Variants in STK24 observed in about 807,000 individuals in gnomAD.
STK24 encodes serine/threonine kinase 24, also known as serine/threonine-protein kinase 24.
Under a neutral mutation model 55.6 loss-of-function variants are expected in STK24, and 21 were observed. That is an observed-to-expected ratio of 0.38 (90% confidence interval 0.27 to 0.54). The LOEUF (loss-of-function observed/expected upper bound fraction) is 0.54, where lower values mean the gene tolerates loss of function less well. Among genes scored for constraint, STK24 ranks in the 20% least tolerant of loss-of-function variants. STK24 has a pLI of 0.79. For missense variants in STK24, 383 were observed against 538.4 expected (o/e 0.71, Z 2.86); for synonymous variants, 200 against 215.2 (o/e 0.93, Z 0.62).
intron 1 of STK24, among the ~76,000 whole-genome samples, chr13:98,526,949 A>AC (rs1379598825): frequency 6.6e-6 from 1 of 152,092 alleles, no homozygotes; most frequent in East Asian, 1.9e-4. Flanking sequence ...GCTGATACCG[A>AC]CCCCATGTGA....
chr13:98,463,536 A>G (rs1302322047), intron 7 of STK24, among the ~76,000 whole-genome samples, 155 bp downstream of exon 7: 2 of 151,842 alleles, frequency 1.3e-5, no homozygotes, highest in African/African-American at 4.8e-5. Flanking sequence ...ACTCCCAAAC[A>G]GGCCCAGGCT....
At chr13:98,546,401 A>T (rs1897029834) in intron 1 of STK24, among the ~76,000 whole-genome samples, 1 of 152,174 alleles carries the variant, frequency 6.6e-6, no homozygotes, top group African/African-American at 2.4e-5. Context: ...TCACTTTAAA[A>T]GCCTTTTTTA....
intron 1 of STK24, among the ~76,000 whole-genome samples, chr13:98,558,285 A>C (rs1897326898): frequency 6.6e-6 from 1 of 152,228 alleles, no homozygotes; most frequent in Non-Finnish European, 1.5e-5. Context: ...ATAATTAAGA[A>C]GGCCTACCGG....
intron 5 of STK24, among the ~76,000 whole-genome samples, chr13:98,468,994 C>T (rs1594582616): frequency 6.6e-6 from 1 of 152,226 alleles, no homozygotes; most frequent in African/African-American, 2.4e-5. Flanking sequence ...GGCAGGCAGG[C>T]CCTGGCAGAA....
At chr13:98,567,957 G>A (rs1897630986) in intron 1 of STK24, among the ~76,000 whole-genome samples, 1 of 146,246 alleles carries the variant, frequency 6.8e-6, no homozygotes, top group South Asian at 2.2e-4. Context: ...GGGGGGTGGG[G>A]AGTAGAGGAA....
At chr13:98,478,178 G>A (rs1894455164) in intron 3 of STK24, among the ~76,000 whole-genome samples, 1 of 152,174 alleles carries the variant, frequency 6.6e-6, no homozygotes, top group African/African-American at 2.4e-5. Flanking sequence ...TTGCGACCAT[G>A]CTCTCCATCA....
chr13:98,458,786 T>A (rs1893577570), intron 9 of STK24, among the ~76,000 whole-genome samples: 1 of 152,194 alleles, frequency 6.6e-6, no homozygotes, highest in Admixed American at 6.5e-5. Flanking sequence ...ACCTGACCTG[T>A]GCTCCCTGAA....
intron 1 of STK24, among the ~76,000 whole-genome samples, chr13:98,537,507 A>G (rs1160526410): frequency 6.6e-6 from 1 of 152,204 alleles, no homozygotes; most frequent in Non-Finnish European, 1.5e-5. Flanking sequence ...AGAGGCAGAC[A>G]GACCTTCCAG....
intron 5 of STK24, among the ~76,000 whole-genome samples, chr13:98,472,387 C>T (rs1894186311): frequency 6.6e-6 from 1 of 152,176 alleles, no homozygotes; most frequent in South Asian, 2.1e-4. Context: ...AAGGTGGGTG[C>T]GGATGGCTCA....
chr13:98,537,675 G>T (rs753198835), intron 1 of STK24, among the ~76,000 whole-genome samples: 1 of 152,150 alleles, frequency 6.6e-6, no homozygotes, highest in Admixed American at 6.5e-5. Flanking sequence ...AGAAGCAAGA[G>T]GAGGTGGCGA....
intron 1 of STK24, among the ~76,000 whole-genome samples, chr13:98,558,322 C>T (rs1897327666): frequency 6.6e-6 from 1 of 152,174 alleles, no homozygotes; most frequent in Admixed American, 6.5e-5. Context: ...GAATACTTTC[C>T]CAGCATCCAG....
At chr13:98,559,002 TAA>T (rs60756124) in intron 1 of STK24, among the ~76,000 whole-genome samples, 1,768 of 42,996 alleles carry the variant, frequency 0.041, 29 homozygotes, top group Middle Eastern at 0.058. Context: ...CTGTCTCTAC[TAA>T]AAAAAAAAAA....
At chr13:98,506,741 T>C (rs938744567) in intron 2 of STK24, among the ~76,000 whole-genome samples, 1 of 152,216 alleles carries the variant, frequency 6.6e-6, no homozygotes, top group African/African-American at 2.4e-5. Flanking sequence ...GGCGAAGCAC[T>C]AAAAATGCAC....
Position 98,446,145 on chromosome 13 carries a change from G to A in STK24, c.*7028C>T. 1 of 1,614,114 alleles carries A rather than the reference G, an allele frequency of 6.2e-7. No homozygotes were observed. The highest frequency in any genetic ancestry group is 8.5e-7 in the Non-Finnish European group (1 of 1,179,952). ...TGAGGAAATTCAAAAACAGCAACGG[G>A]TGGCAGAAGCTGTGGGTGGTGTTCA... is the stretch of plus-strand genomic sequence containing the variant. On this transcript the variant is annotated 3_prime_UTR_variant, in exon 11 of 11. Transcript: ENST00000539966.
intron 1 of STK24, among the ~76,000 whole-genome samples, chr13:98,535,369 A>AT (rs1566391999): frequency 6.2e-4 from 48 of 77,190 alleles, no homozygotes; most frequent in East Asian, 5.1e-3. Context: ...AACAAAAAAA[A>AT]AATATATATA....
chr13:98,555,831 C>A (rs1335627159), intron 1 of STK24, among the ~76,000 whole-genome samples: 1 of 151,226 alleles, frequency 6.6e-6, no homozygotes, highest in Non-Finnish European at 1.5e-5. Flanking sequence ...CAGGTGCCCG[C>A]CACCACACCC....
chr13:98,463,049 G>A (rs894620333), intron 7 of STK24, among the ~76,000 whole-genome samples: 16 of 152,124 alleles, frequency 1.1e-4, no homozygotes, highest in Admixed American at 9.2e-4. Flanking sequence ...TCTCATCCCC[G>A]GAAATCCTCA....
intron 2 of STK24, among the ~76,000 whole-genome samples, chr13:98,487,597 T>A (rs1169389389): frequency 2.0e-5 from 3 of 152,206 alleles, no homozygotes; most frequent in African/African-American, 7.2e-5. Flanking sequence ...TACAAAACTT[T>A]ACCCCCCTTT....
At chr13:98,556,834 A>C (rs1318291315) in intron 1 of STK24, among the ~76,000 whole-genome samples, 5 of 152,204 alleles carry the variant, frequency 3.3e-5, no homozygotes, top group African/African-American at 9.6e-5. Flanking sequence ...CCACCACTAA[A>C]CTGGACAAGA....
Sources: gnomAD v4.1 joint callset for allele counts (sites outside exome capture counted in the v4.1 genomes callset) on GRCh38, gnomAD v4.1.1 for gene constraint, MANE v1.5 for transcripts, NCBI Gene and HGNC (gene_info 2026-07-23, HGNC 2026-07-21) for gene names.